KCNN3: variants seen among roughly 807,000 people sequenced by gnomAD.
KCNN3 encodes the protein potassium calcium-activated channel subfamily N member 3.
Under a neutral mutation model 62.9 loss-of-function variants are expected in KCNN3, and 16 were observed. The ratio of observed to expected loss-of-function variants is 0.25; its 90% CI spans 0.17 to 0.39. KCNN3 has a LOEUF of 0.39. Ranked by LOEUF, KCNN3 falls within the 10% of genes least tolerant of loss-of-function variation. The probability of loss-of-function intolerance (pLI) is 1.00; values close to 1 mark genes in which losing one functional copy is unlikely to be tolerated. For missense variants in KCNN3, 599 were observed against 949.4 expected (o/e 0.63, Z 4.85); for synonymous variants, 370 against 389.2 (o/e 0.95, Z 0.58).
At chr1:154,721,130 T>C (rs1157654999) in intron 5 of KCNN3, among the ~76,000 whole-genome samples, 1 of 152,100 alleles carries the variant, frequency 6.6e-6, no homozygotes, top group African/African-American at 2.4e-5. Context: ...AAGAAACCCC[T>C]GCAGCAAGAA....
rs548298939 is a variant in KCNN3 at position 154,863,570 on chromosome 1, C to T, written c.933+5462G>A. Among the ~76,000 whole-genome samples the T allele has an allele frequency of 3.3e-5, 5 of 152,282 alleles. 1 individual carries two copies. The highest frequency in any genetic ancestry group is 2.1e-4 in the South Asian group (1 of 4,822). On this transcript the variant is annotated intron_variant, in intron 1 of 7. Coordinates refer to ENST00000271915, the MANE Select transcript of KCNN3 (RefSeq NM_002249.6). ...ACAAATAACTGCAACAGAGCTGAAG[C>T]GCTCTATTCTGATCTTACATTTCCA...
intron 2 of KCNN3, among the ~76,000 whole-genome samples, chr1:154,789,780 C>G (rs561457833): frequency 2.6e-5 from 4 of 152,114 alleles, no homozygotes; most frequent in African/African-American, 9.7e-5. Flanking sequence ...AAACCTGATG[C>G]GAGCTATGAA....
At chr1:154,799,899 C>T (rs1042887993) in intron 2 of KCNN3, among the ~76,000 whole-genome samples, 12 of 152,226 alleles carry the variant, frequency 7.9e-5, no homozygotes, top group African/African-American at 2.4e-4. Flanking sequence ...CTGCATCCCA[C>T]GTTGGGAGGC....
At position 154,706,179 on chromosome 1, in the gene KCNN3, G is replaced by C. The variant is rs536712533; in HGVS notation, c.*1797C>G. The C allele has an allele frequency of 6.6e-6, 1 of 152,342 alleles. No homozygotes were observed. The highest frequency in any genetic ancestry group is 2.1e-4 in the South Asian group (1 of 4,828). 9.4% of individuals were successfully genotyped at this position (152,342 alleles called of 1,614,324 possible). On this transcript the variant is annotated 3_prime_UTR_variant, in exon 8 of 8. Coordinates refer to ENST00000271915, the MANE Select transcript of KCNN3 (RefSeq NM_002249.6). ...AAAGAAGAGGGTTAGCAAGAGACTA[G>C]ATCTTCCTGAAAAAGTGGCCTTGGC...
At chr1:154,743,623 C>T (rs1358939676) in intron 3 of KCNN3, among the ~76,000 whole-genome samples, 3 of 152,306 alleles carry the variant, frequency 2.0e-5, no homozygotes, top group Admixed American at 2.0e-4. Flanking sequence ...AAGCGTACTT[C>T]AAATTCTGAA....
At chr1:154,815,873 C>A (rs534814878) in intron 2 of KCNN3, among the ~76,000 whole-genome samples, 1 of 152,222 alleles carries the variant, frequency 6.6e-6, no homozygotes, top group South Asian at 2.1e-4. Flanking sequence ...GGGAAGACAC[C>A]ACTAACTCAT....
chr1:154,748,834 T>C (rs917831836), intron 3 of KCNN3, among the ~76,000 whole-genome samples: 2 of 152,178 alleles, frequency 1.3e-5, no homozygotes, highest in African/African-American at 4.8e-5. Flanking sequence ...TGGTGGTACG[T>C]GTCTATAGTC....
At chr1:154,759,699 C>T (rs1026442888) in intron 3 of KCNN3, among the ~76,000 whole-genome samples, 1 of 152,178 alleles carries the variant, frequency 6.6e-6, no homozygotes, top group Non-Finnish European at 1.5e-5. Flanking sequence ...AAAGAAGGAA[C>T]CCTGGCATTT....
At chr1:154,744,340 G>A (rs1471410463) in intron 3 of KCNN3, among the ~76,000 whole-genome samples, 2 of 152,236 alleles carry the variant, frequency 1.3e-5, no homozygotes, top group East Asian at 1.9e-4. Flanking sequence ...CAAAGCTCCA[G>A]TGCGTAACTG....
rs573830693 is a variant in KCNN3 at position 154,809,011 on chromosome 1, G to A, written c.1029+13078C>T. ...TCTGCGCCCACTGGATGGCTCCGCC[G>A]TGTCTGGTTACTGATCTCTGGTTTG... On this transcript the variant is annotated intron_variant, in intron 2 of 7. Coordinates refer to ENST00000271915, the MANE Select transcript of KCNN3 (RefSeq NM_002249.6). This position sits in a 1 kb window ranked among gnomAD's most constrained non-coding sequence, Gnocchi z 4.3. Among the ~76,000 whole-genome samples the A allele has an allele frequency of 2.6e-5, 4 of 152,294 alleles. No individual in the cohort carries two copies. Among genetic ancestry groups the A allele is most frequent in the African/African-American group, 4.8e-5 (2 of 41,556 alleles).
At chr1:154,726,056 G>C in intron 4 of KCNN3, 30 bp from the exon 5 acceptor site, 1 of 1,534,610 alleles carries the variant, frequency 6.5e-7, no homozygotes, top group Non-Finnish European at 9.0e-7. Context: ...GGACCAGAGG[G>C]GAAAGAACAT....
At chr1:154,822,237 C>T (rs1194338440) in intron 1 of KCNN3, 53 bp from the exon 2 acceptor site, 1 of 1,321,532 alleles carries the variant, frequency 7.6e-7, no homozygotes, top group Non-Finnish European at 1.1e-6. Context: ...AGGAGCGTCT[C>T]ACTTTATTCT....
chr1:154,773,843 G>T (rs574792778), intron 2 of KCNN3, among the ~76,000 whole-genome samples: 1 of 152,242 alleles, frequency 6.6e-6, no homozygotes, highest in African/African-American at 2.4e-5. Context: ...AAAAAGTCAT[G>T]TTTCCTGCAT....
chr1:154,796,513 A>AT (rs1303710397), intron 2 of KCNN3, among the ~76,000 whole-genome samples: 1 of 152,176 alleles, frequency 6.6e-6, no homozygotes, highest in Admixed American at 6.5e-5. Context: ...TCTAGATATC[A>AT]TTTTTTATTG....
chr1:154,710,056 T>C (rs984675360), intron 7 of KCNN3, among the ~76,000 whole-genome samples: 3 of 152,190 alleles, frequency 2.0e-5, no homozygotes, highest in South Asian at 2.1e-4. Context: ...GAGCCTCCGA[T>C]GGTAGGAATT....
chr1:154,850,095 C>T (rs1241700287), intron 1 of KCNN3, among the ~76,000 whole-genome samples: 1 of 152,172 alleles, frequency 6.6e-6, no homozygotes, highest in Non-Finnish European at 1.5e-5. Context: ...ATCCGCAGCC[C>T]ATACCAGTTC....
rs1650301487 is a variant in KCNN3 at position 154,809,173 on chromosome 1, G to A, written c.1029+12916C>T. ...CTGTGACACAACGTGATCTCACCGA[G>A]TGACCAGGTGTACGGCTTCACCCGT... On this transcript the variant is annotated intron_variant, in intron 2 of 7. Coordinates refer to ENST00000271915, the MANE Select transcript of KCNN3 (RefSeq NM_002249.6). The surrounding 1 kb of genome is among the most constrained non-coding windows in gnomAD (Gnocchi z 4.3). 6.6e-6 allele frequency among the ~76,000 whole-genome samples: 1 copy of A among 152,194 alleles called. No homozygotes were observed. Among genetic ancestry groups the A allele is most frequent in the Non-Finnish European group, 1.5e-5 (1 of 68,040 alleles).
chr1:154,804,031 G>T (rs758835951), intron 2 of KCNN3, among the ~76,000 whole-genome samples: 1 of 152,184 alleles, frequency 6.6e-6, no homozygotes, highest in Non-Finnish European at 1.5e-5. Context: ...TGCTGTCATT[G>T]CTCCCTTGTT....
chr1:154,766,733 G>A (rs1295238265), intron 3 of KCNN3, among the ~76,000 whole-genome samples: 3 of 150,248 alleles, frequency 2.0e-5, no homozygotes, highest in African/African-American at 7.4e-5. Flanking sequence ...AGGCTGGAGT[G>A]CAGTGGCGTG....
Sources: allele counts gnomAD v4.1 joint callset (sites outside exome capture counted in the v4.1 genomes callset), GRCh38; gene constraint gnomAD v4.1.1; non-coding constraint Gnocchi (gnomAD v3.1); transcripts MANE v1.5; gene names NCBI Gene and HGNC (gene_info 2026-07-23, HGNC 2026-07-21).